The following NAALADL2 variants were observed in gnomAD, a reference collection of about 807,000 sequenced individuals.
NAALADL2 encodes inactive N-acetylated-alpha-linked acidic dipeptidase-like protein 2.
NAALADL2 carries 76 observed loss-of-function variants against 87.2 expected under a neutral mutation model. The observed-to-expected ratio is 0.87, with a 90% CI of 0.72 to 1.05. The LOEUF is 1.05. Ranked by LOEUF, NAALADL2 falls within the 50% of genes least tolerant of loss-of-function variation. NAALADL2 has a pLI of 0.00. For synonymous variants in NAALADL2, 354 were observed against 331.0 expected (o/e 1.07, Z -0.75); for missense variants, 1,089 against 945.8 (o/e 1.15, Z -1.99).
At chr3:175,609,284 T>A (rs142409408) in intron 10 of NAALADL2, among the ~76,000 whole-genome samples, 2 of 152,126 alleles carry the variant, frequency 1.3e-5, no homozygotes, top group African/African-American at 2.4e-5. Context: ...ATAGAATTTT[T>A]AAGGATATTA....
At chr3:174,768,744 C>A (rs943116767) in intron 3 of NAALADL2, among the ~76,000 whole-genome samples, 2 of 151,936 alleles carry the variant, frequency 1.3e-5, no homozygotes, top group Non-Finnish European at 2.9e-5. Flanking sequence ...TTAAATAGTT[C>A]TTTTAATTAT....
chr3:175,122,397 C>G (rs1455874911), intron 2 of NAALADL2, among the ~76,000 whole-genome samples: 1 of 151,836 alleles, frequency 6.6e-6, no homozygotes, highest in East Asian at 1.9e-4. Flanking sequence ...CTTTTAAATG[C>G]TCCTGAAAGG....
intron 3 of NAALADL2, among the ~76,000 whole-genome samples, chr3:174,838,244 A>G (rs918043926): frequency 9.2e-5 from 14 of 152,162 alleles, no homozygotes. Context: ...AACAAAAATC[A>G]CATCATCATC....
intron 11 of NAALADL2, among the ~76,000 whole-genome samples, chr3:175,726,508 T>C (rs1742942838): frequency 6.6e-6 from 1 of 152,144 alleles, no homozygotes; most frequent in Admixed American, 6.6e-5. Context: ...AATGGGAAGA[T>C]CCTGAGGTAC....
At chr3:174,596,799 G>A (rs1560080345) in intron 2 of NAALADL2, among the ~76,000 whole-genome samples, 1 of 152,116 alleles carries the variant, frequency 6.6e-6, no homozygotes, top group Non-Finnish European at 1.5e-5. Flanking sequence ...GGCCAATTTA[G>A]ATTAGGATAT....
In NAALADL2 at chr3:175,499,838, A is replaced by C. The variant is rs570468674; in HGVS notation, c.1653+28080A>C. Among the ~76,000 whole-genome samples, 3 of 152,136 alleles carry C rather than the reference A, an allele frequency of 2.0e-5. No individual in the cohort carries two copies. In the East Asian group the frequency reaches 5.8e-4, roughly 29 times the overall value. ...GTCTTCTACTTGTAGGAAGCCTGCTATGTATTTTCTTTATTATAAATAGAT... is the reference window on the plus strand; with the variant it reads ...GTCTTCTACTTGTAGGAAGCCTGCTCTGTATTTTCTTTATTATAAATAGAT... On this transcript the variant is annotated intron_variant, in intron 9 of 13. Coordinates refer to ENST00000454872, the MANE Select transcript of NAALADL2 (RefSeq NM_207015.3).
intron 5 of NAALADL2, among the ~76,000 whole-genome samples, chr3:175,344,051 C>T (rs978246731): frequency 6.6e-6 from 1 of 151,984 alleles, no homozygotes; most frequent in African/African-American, 2.4e-5. Flanking sequence ...GGTTTAATAC[C>T]GACAAGCAAT....
At chr3:174,648,477 G>A (rs1180498154) in intron 2 of NAALADL2, among the ~76,000 whole-genome samples, 2 of 152,048 alleles carry the variant, frequency 1.3e-5, no homozygotes, top group East Asian at 1.9e-4. Flanking sequence ...ATGGGAGGGG[G>A]CTACTGTAAA....
At chr3:175,365,148 A>G (rs1274521462) in intron 5 of NAALADL2, among the ~76,000 whole-genome samples, 2 of 147,568 alleles carry the variant, frequency 1.4e-5, no homozygotes, top group African/African-American at 4.9e-5. Flanking sequence ...ACTTTGAAGG[A>G]GAAAAACAAA....
intron 2 of NAALADL2, among the ~76,000 whole-genome samples, chr3:175,222,298 A>T (rs1743506351): frequency 6.6e-6 from 1 of 152,112 alleles, no homozygotes; most frequent in African/African-American, 2.4e-5. Flanking sequence ...TAAATCTGGG[A>T]ATATATTAGC....
At chr3:174,808,752 C>A (rs1015581489) in intron 3 of NAALADL2, among the ~76,000 whole-genome samples, 1 of 151,820 alleles carries the variant, frequency 6.6e-6, no homozygotes, top group Admixed American at 6.6e-5. Flanking sequence ...ATAAACCTTT[C>A]ACAAGCAACT....
chr3:174,931,849 T>C (rs1322878202), intron 1 of NAALADL2, among the ~76,000 whole-genome samples: 4 of 152,208 alleles, frequency 2.6e-5, no homozygotes, highest in African/African-American at 9.7e-5. Context: ...AATTGTGAGC[T>C]TCTGAGATCA....
chr3:175,065,454 G>A (rs1017125951), intron 1 of NAALADL2, among the ~76,000 whole-genome samples: 1 of 152,134 alleles, frequency 6.6e-6, no homozygotes, highest in East Asian at 1.9e-4. Flanking sequence ...TAAATTTTTA[G>A]ATAGCTATGA....
At chr3:175,647,184 C>T (rs1730127066) in intron 11 of NAALADL2, among the ~76,000 whole-genome samples, 1 of 152,096 alleles carries the variant, frequency 6.6e-6, no homozygotes, top group African/African-American at 2.4e-5. Context: ...TAGAAAAATG[C>T]ATCCTACTGT....
At chr3:174,456,411 C>CAAAAAA (rs59833697) in intron 1 of NAALADL2, among the ~76,000 whole-genome samples, 850 of 55,508 alleles carry the variant, frequency 0.015, 2 homozygotes, top group East Asian at 0.026. Context: ...CAATCCTAAG[C>CAAAAAA]AAAAAAAAAA....
intron 1 of NAALADL2, among the ~76,000 whole-genome samples, chr3:174,969,633 A>G (rs1270802409): frequency 6.6e-6 from 1 of 152,210 alleles, no homozygotes; most frequent in African/African-American, 2.4e-5. Flanking sequence ...GCTTTGAGAT[A>G]GGACAACACC....
At chr3:174,964,044 C>A (rs1300497166) in intron 1 of NAALADL2, among the ~76,000 whole-genome samples, 1 of 141,320 alleles carries the variant, frequency 7.1e-6, no homozygotes, top group Admixed American at 6.9e-5. Context: ...GGAAAAAAAA[C>A]TACCTGTATG....
At chr3:175,452,555 T>C (rs113587338) in intron 6 of NAALADL2, among the ~76,000 whole-genome samples, 2,515 of 152,248 alleles carry the variant, frequency 0.017, 29 homozygotes, top group Non-Finnish European at 0.025. Flanking sequence ...AGCTTCCATA[T>C]AGCATGCATA....
intron 5 of NAALADL2, among the ~76,000 whole-genome samples, chr3:175,385,535 C>T (rs1486398936): frequency 6.6e-6 from 1 of 151,970 alleles, no homozygotes; most frequent in East Asian, 1.9e-4. Context: ...TATACACTTA[C>T]AAGAAAGAAG....
Sources: gnomAD v4.1 joint callset for allele counts (sites outside exome capture counted in the v4.1 genomes callset) on GRCh38, gnomAD v4.1.1 for gene constraint, MANE v1.5 for transcripts, NCBI Gene and HGNC (gene_info 2026-07-23, HGNC 2026-07-21) for gene names.